The following RERG variants were observed in gnomAD, a reference collection of about 807,000 sequenced individuals.
RERG encodes the protein RAS like estrogen regulated growth inhibitor, also known as ras-related and estrogen-regulated growth inhibitor.
Under a neutral mutation model 23.2 loss-of-function variants are expected in RERG, and 25 were observed. The ratio of observed to expected loss-of-function variants is 1.08; its 90% CI spans 0.79 to 1.50. The LOEUF (loss-of-function observed/expected upper bound fraction) is 1.50, where lower values mean the gene tolerates loss of function less well. Ranked by LOEUF, RERG falls within the 40% of genes most tolerant of loss-of-function variation. The pLI is 0.00. For synonymous variants in RERG, 81 were observed against 89.1 expected (o/e 0.91, Z 0.51); for missense variants, 253 against 250.1 (o/e 1.01, Z -0.08).
At chr12:15,215,881 G>A (rs1021408408) in intron 2 of RERG, among the ~76,000 whole-genome samples, 3 of 152,120 alleles carry the variant, frequency 2.0e-5, no homozygotes, top group African/African-American at 4.8e-5. Flanking sequence ...ATGGACGCAC[G>A]TACAGCTACG....
intron 4 of RERG, chr12:15,111,025 G>C (rs762097702): frequency 3.1e-5 from 6 of 196,054 alleles, no homozygotes; most frequent in Non-Finnish European, 6.1e-5. Flanking sequence ...CTTCATTTGA[G>C]CATTTCAAAA....
intron 2 of RERG, among the ~76,000 whole-genome samples, chr12:15,215,267 G>A (rs1865424488): frequency 1.3e-5 from 2 of 152,156 alleles, no homozygotes; most frequent in African/African-American, 2.4e-5. Flanking sequence ...TTCAGCTTTG[G>A]GTGTGAGTAG....
chr12:15,127,218 C>T, intron 2 of RERG, among the ~76,000 whole-genome samples: 1 of 152,158 alleles, frequency 6.6e-6, no homozygotes. Flanking sequence ...GATCTGAAGT[C>T]AGAGATTAAG....
chr12:15,208,845 T>C (rs1865329109), intron 2 of RERG, among the ~76,000 whole-genome samples: 1 of 152,140 alleles, frequency 6.6e-6, no homozygotes, highest in South Asian at 2.1e-4. Context: ...TATTAAAACA[T>C]TATATAAACA....
At chr12:15,121,621 C>T (rs868248191) in intron 2 of RERG, among the ~76,000 whole-genome samples, 13 of 152,204 alleles carry the variant, frequency 8.5e-5, no homozygotes, top group Admixed American at 3.9e-4. Context: ...TCTGTGAAAA[C>T]TCATCAAAAG....
At chr12:15,134,335 T>C (rs1312543360) in intron 2 of RERG, among the ~76,000 whole-genome samples, 2 of 152,160 alleles carry the variant, frequency 1.3e-5, no homozygotes, top group African/African-American at 4.8e-5. Context: ...TGCATGTGGA[T>C]GCCCAGTTGT....
At chr12:15,197,606 G>A (rs540645272) in intron 2 of RERG, among the ~76,000 whole-genome samples, 5 of 152,264 alleles carry the variant, frequency 3.3e-5, no homozygotes, top group African/African-American at 4.8e-5. Flanking sequence ...TATTAAAGGC[G>A]ACAGATCAAA....
Position 15,163,919 on chromosome 12 carries a change from G to A in RERG, c.62-42800C>T, listed in dbSNP as rs182827482. 2.0e-4 allele frequency among the ~76,000 whole-genome samples: 30 copies of A among 152,302 alleles called. No homozygotes were observed. The East Asian group carries it at 5.4e-3, about 27-fold the overall frequency. Reference sequence around the variant, plus strand: ...CAGGAAGGGGTAGGGCGGAGAGAGAGAGGAGAGTGGAGAGAGGAGAGAGAG... The same window carrying A: ...CAGGAAGGGGTAGGGCGGAGAGAGAAAGGAGAGTGGAGAGAGGAGAGAGAG... On this transcript the variant is annotated intron_variant, in intron 2 of 4. Transcript: ENST00000256953.
At chr12:15,201,351 T>C (rs537254156) in intron 2 of RERG, among the ~76,000 whole-genome samples, 2 of 151,918 alleles carry the variant, frequency 1.3e-5, no homozygotes, top group South Asian at 4.1e-4. Context: ...GAATACTAGC[T>C]CTGCTGAAAT....
intron 3 of RERG, chr12:15,114,373 G>T (rs1028453949): frequency 6.6e-6 from 1 of 152,016 alleles, no homozygotes; most frequent in Non-Finnish European, 1.5e-5. Flanking sequence ...AAGTATGAAA[G>T]AAATTTTAGA....
intron 2 of RERG, among the ~76,000 whole-genome samples, chr12:15,182,214 A>C (rs1864933944): frequency 6.6e-6 from 1 of 151,966 alleles, no homozygotes; most frequent in African/African-American, 2.4e-5. Flanking sequence ...ATGTGCCACC[A>C]TGCCTGGCTA....
At chr12:15,153,724 A>T (rs775373290) in intron 2 of RERG, among the ~76,000 whole-genome samples, 7 of 152,200 alleles carry the variant, frequency 4.6e-5, no homozygotes, top group African/African-American at 1.4e-4. Flanking sequence ...ACCAATGGCT[A>T]TAAATTATCC....
At chr12:15,123,874 C>T (rs544962350) in intron 2 of RERG, among the ~76,000 whole-genome samples, 1 of 152,040 alleles carries the variant, frequency 6.6e-6, no homozygotes, top group East Asian at 1.9e-4. Context: ...TGAGTCTCTG[C>T]CTTCTGAAAT....
chr12:15,221,090 G>C (rs774459020), intron 1 of RERG, 105 bp downstream of exon 1: 1 of 152,256 alleles, frequency 6.6e-6, no homozygotes, highest in Non-Finnish European at 1.5e-5. Context: ...AGGAGAACCC[G>C]GTGACCAAGA....
chr12:15,122,795 TTTTTGTTTTTTG>T (rs796995341), intron 2 of RERG, among the ~76,000 whole-genome samples: 28 of 152,022 alleles, frequency 1.8e-4, no homozygotes, highest in African/African-American at 3.4e-4. Flanking sequence ...GTTGTTTTTT[TTTTTGTTTTTTG>T]TTTTCGTTTT....
intron 2 of RERG, among the ~76,000 whole-genome samples, chr12:15,186,103 G>C (rs1864986104): frequency 6.6e-6 from 1 of 151,788 alleles, no homozygotes; most frequent in African/African-American, 2.4e-5. Flanking sequence ...TTAAAAAGTT[G>C]AACAAACAAG....
chr12:15,191,998 C>T (rs1865078069), intron 2 of RERG, among the ~76,000 whole-genome samples: 1 of 151,994 alleles, frequency 6.6e-6, no homozygotes, highest in Admixed American at 6.6e-5. Flanking sequence ...TGTCATTGTC[C>T]TGGATGCCTA....
At position 15,185,218 on chromosome 12, in the gene RERG, T is replaced by C. The variant is rs146173538; in HGVS notation, c.61+32211A>G. Among the ~76,000 whole-genome samples, 26 of 152,258 alleles carry C rather than the reference T, an allele frequency of 1.7e-4. 1 individual carries two copies. The East Asian group carries it at 5.0e-3, about 29-fold the overall frequency. ...TTCTGCCATGTTTCAACAACTAGAA[T>C]ATAGAACATGAAATATTTAGTTCCT... On this transcript the variant is annotated intron_variant, in intron 2 of 4. Transcript: ENST00000256953.
Position 15,111,400 on chromosome 12 carries a change from G to C in RERG, c.136C>G (p.Gln46Glu). Residue 46 changes from glutamine (Q) to glutamate (E), a missense_variant, in exon 4 of 5, where the codon CAA becomes GAA. Physicochemically the swap from Gln to Glu is conservative, Grantham distance 29. Coordinates refer to ENST00000256953, the MANE Select transcript of RERG (RefSeq NM_032918.3). ...ACAACTTCATCATCGATGGTTGCTT[G>C]GTGTCGGTAGGTTGATTCTAAGGGA... ...DPTLESTYRHQATIDDEVVSM... is the reference protein window; with the variant it reads ...DPTLESTYRHEATIDDEVVSM... 1.1e-5 allele frequency: 17 copies of C among 1,613,096 alleles called. No homozygotes were observed. Among genetic ancestry groups the C allele is most frequent in the Non-Finnish European group, 1.4e-5 (17 of 1,179,294 alleles).
Sources: allele counts gnomAD v4.1 joint callset (sites outside exome capture counted in the v4.1 genomes callset), GRCh38; gene constraint gnomAD v4.1.1; transcripts MANE v1.5; gene names NCBI Gene and HGNC (gene_info 2026-07-23, HGNC 2026-07-21).